Variants in ASCC3 observed in about 807,000 individuals in gnomAD.
The protein encoded by ASCC3 is activating signal cointegrator 1 complex subunit 3, also known as ASC-1 complex subunit P200.
In ASCC3, 158 loss-of-function variants were observed where a neutral mutation model predicts 256.3. The ratio of observed to expected loss-of-function variants is 0.62; its 90% CI spans 0.54 to 0.70. ASCC3 has a LOEUF of 0.70. ASCC3 is among the 30% of genes least tolerant of loss of function. The pLI is 0.00. For synonymous variants in ASCC3, 948 were observed against 883.4 expected (o/e 1.07, Z -1.30); for missense variants, 2,259 against 2,626.0 (o/e 0.86, Z 3.05).
chr6:100,697,413 A>C (rs1778144415), intron 13 of ASCC3, among the ~76,000 whole-genome samples: 1 of 96,144 alleles, frequency 1.0e-5, no homozygotes, highest in South Asian at 2.6e-4. Flanking sequence ...ATACTGAGAC[A>C]CACAAAAAAA....
At position 100,602,750 on chromosome 6, in the gene ASCC3, G is replaced by A. The variant is rs1230820690; in HGVS notation, c.5178-815C>T. ...GTGGAGTACACAAAGATAATCAGAT[G>A]TGTTGAAAGACTGGTATAACAAAAT... is the stretch of plus-strand genomic sequence containing the variant. On this transcript the variant is annotated intron_variant, in intron 33 of 41. Transcript: ENST00000369162. 2.6e-5 allele frequency among the ~76,000 whole-genome samples: 4 copies of A among 152,024 alleles called. No individual in the cohort carries two copies. In the East Asian group the frequency reaches 5.8e-4, roughly 22 times the overall value.
At chr6:100,586,098 C>T (rs1023582500) in intron 36 of ASCC3, among the ~76,000 whole-genome samples, 16 of 152,194 alleles carry the variant, frequency 1.1e-4, no homozygotes, top group Non-Finnish European at 1.6e-4. Flanking sequence ...GGGAGAACCA[C>T]TGCTCTCTTC....
intron 37 of ASCC3, among the ~76,000 whole-genome samples, chr6:100,519,048 T>C (rs1320695635): frequency 6.6e-6 from 1 of 152,150 alleles, no homozygotes; most frequent in Non-Finnish European, 1.5e-5. Context: ...CAAAATCTGT[T>C]GTTAGTGGAC....
chr6:100,552,634 A>C (rs1322377541), intron 36 of ASCC3, among the ~76,000 whole-genome samples: 2 of 152,026 alleles, frequency 1.3e-5, no homozygotes, highest in Non-Finnish European at 2.9e-5. Context: ...ATGTGTGATA[A>C]AGAAATATGC....
chr6:100,754,553 G>C (rs1781084945), intron 10 of ASCC3, among the ~76,000 whole-genome samples: 1 of 152,000 alleles, frequency 6.6e-6, no homozygotes, highest in Admixed American at 6.6e-5. Context: ...CCAAATAGTA[G>C]GTCTTATTCA....
intron 6 of ASCC3, 21 bp downstream of exon 6, chr6:100,800,279 T>C: frequency 6.2e-7 from 1 of 1,610,860 alleles, no homozygotes; most frequent in East Asian, 2.2e-5. Context: ...CAAGCATTTT[T>C]CAGCTCCTGG....
intron 36 of ASCC3, among the ~76,000 whole-genome samples, chr6:100,563,851 T>C (rs1376256425): frequency 1.3e-5 from 2 of 152,156 alleles, no homozygotes; most frequent in Non-Finnish European, 2.9e-5. Context: ...TAAAATATTA[T>C]TACTAATGAA....
At chr6:100,625,833 T>G (rs573163332) in intron 29 of ASCC3, among the ~76,000 whole-genome samples, 1 of 152,100 alleles carries the variant, frequency 6.6e-6, no homozygotes, top group African/African-American at 2.4e-5. Flanking sequence ...TTATCAGTGA[T>G]AGAAAAATTA....
intron 4 of ASCC3, among the ~76,000 whole-genome samples, chr6:100,840,297 T>C (rs1038951675): frequency 6.6e-6 from 1 of 152,116 alleles, no homozygotes; most frequent in African/African-American, 2.4e-5. Flanking sequence ...TCAAAAAGTT[T>C]ATATACACCT....
At chr6:100,821,652 T>C (rs1266029321) in intron 4 of ASCC3, among the ~76,000 whole-genome samples, 1 of 151,750 alleles carries the variant, frequency 6.6e-6, no homozygotes, top group Non-Finnish European at 1.5e-5. Context: ...GGTGAAACCC[T>C]GTCTCTACTA....
chr6:100,764,909 T>C (rs1386309214), intron 10 of ASCC3, among the ~76,000 whole-genome samples: 1 of 152,044 alleles, frequency 6.6e-6, no homozygotes, highest in African/African-American at 2.4e-5. Context: ...CAGATGTAAT[T>C]AAGGAAAGGT....
intron 8 of ASCC3, among the ~76,000 whole-genome samples, chr6:100,793,732 AG>A (rs1769463080): frequency 6.7e-6 from 1 of 149,806 alleles, no homozygotes; most frequent in Non-Finnish European, 1.5e-5. Flanking sequence ...CATGTGTTGC[AG>A]AAAGGTTAAG....
intron 1 of ASCC3, among the ~76,000 whole-genome samples, chr6:100,868,727 A>G (rs1176951109): frequency 2.0e-5 from 3 of 152,216 alleles, no homozygotes; most frequent in Admixed American, 6.5e-5. Flanking sequence ...TTGGTACTCA[A>G]TAAGTATCTG....
intron 34 of ASCC3, among the ~76,000 whole-genome samples, chr6:100,591,632 C>A (rs909039081): frequency 1.3e-5 from 2 of 151,856 alleles, no homozygotes; most frequent in African/African-American, 4.8e-5. Flanking sequence ...TTTTTTTAAA[C>A]CAAATCTGTC....
intron 4 of ASCC3, among the ~76,000 whole-genome samples, chr6:100,818,748 C>CAAAAAAAAAAAAAAAAAAAA (rs56668191): frequency 3.4e-5 from 2 of 58,108 alleles, no homozygotes; most frequent in Non-Finnish European, 2.8e-5. Context: ...AGGCAAAAGC[C>CAAAAAAAAAAAAAAAAAAAA]AAAAAAAAAA....
chr6:100,554,104 G>A (rs895755096), intron 36 of ASCC3, among the ~76,000 whole-genome samples: 3 of 152,122 alleles, frequency 2.0e-5, no homozygotes, highest in Admixed American at 2.0e-4. Flanking sequence ...TACATGTACT[G>A]TGACCCTTAA....
intron 30 of ASCC3, among the ~76,000 whole-genome samples, chr6:100,621,043 T>C (rs1293553211): frequency 1.3e-5 from 2 of 152,290 alleles, no homozygotes; most frequent in African/African-American, 4.8e-5. Flanking sequence ...GTTTGCCTTA[T>C]TCTTCAGATG....
Position 100,803,776 on chromosome 6 carries a change from G to A in ASCC3, c.922+1984C>T, listed in dbSNP as rs544111189. Among the ~76,000 whole-genome samples, 16 of 152,222 alleles carry A rather than the reference G, an allele frequency of 1.1e-4. No homozygotes were observed. The East Asian group carries it at 2.9e-3, about 28-fold the overall frequency. ...AACAGAAAATCTGTCAGAAATTTTA[G>A]ATTTAAATTATAGCTGTTTTTATCA... is the stretch of plus-strand genomic sequence containing the variant. On this transcript the variant is annotated intron_variant, in intron 5 of 41. Transcript: ENST00000369162.
chr6:100,604,376 T>G (rs1772779437), intron 33 of ASCC3, among the ~76,000 whole-genome samples: 1 of 152,042 alleles, frequency 6.6e-6, no homozygotes, highest in Non-Finnish European at 1.5e-5. Context: ...TTCTTACTCT[T>G]TTTCTTTCTT....
Sources: allele counts gnomAD v4.1 joint callset (sites outside exome capture counted in the v4.1 genomes callset), GRCh38; gene constraint gnomAD v4.1.1; transcripts MANE v1.5; gene names NCBI Gene and HGNC (gene_info 2026-07-23, HGNC 2026-07-21).